The following ERBB4 variants were observed in gnomAD, a reference collection of about 807,000 sequenced individuals.
ERBB4 encodes the protein erb-b2 receptor tyrosine kinase 4, also known as receptor tyrosine-protein kinase erbB-4.
A neutral mutation model predicts 158.0 loss-of-function variants in ERBB4; 42 were observed. The observed-to-expected ratio is 0.27, with a 90% CI of 0.21 to 0.34. The LOEUF (loss-of-function observed/expected upper bound fraction) is 0.34. Ranked by LOEUF, ERBB4 falls within the 10% of genes least tolerant of loss-of-function variation. The pLI is 1.00. For synonymous variants in ERBB4, 583 were observed against 558.7 expected, an observed-to-expected ratio of 1.04 and a Z score of -0.61; for missense variants, 1,333 against 1,624.1, an observed-to-expected ratio of 0.82 and a Z score of 3.08.
chr2:212,176,961 C>A (rs188210460), intron 1 of ERBB4, among the ~76,000 whole-genome samples: 1 of 151,724 alleles, frequency 6.6e-6, no homozygotes, highest in Admixed American at 6.6e-5. Context: ...TAAAATAATT[C>A]TTTTTTCTTT....
At chr2:211,942,739 T>G (rs924640360) in intron 3 of ERBB4, among the ~76,000 whole-genome samples, 2 of 152,144 alleles carry the variant, frequency 1.3e-5, no homozygotes, top group Non-Finnish European at 2.9e-5. Flanking sequence ...TATGAATATG[T>G]TGGTCTGAAA....
intron 4 of ERBB4, chr2:211,777,929 T>A (rs2075926451): frequency 1.3e-5 from 2 of 152,230 alleles, no homozygotes; most frequent in African/African-American, 2.4e-5. Context: ...TTAATTTCTG[T>A]AACAGACCTA....
At chr2:211,770,346 A>T (rs563071496) in intron 4 of ERBB4, among the ~76,000 whole-genome samples, 1 of 152,360 alleles carries the variant, frequency 6.6e-6, no homozygotes, top group South Asian at 2.1e-4. Flanking sequence ...AGGTAACAAA[A>T]AAAGCATTCT....
At chr2:212,234,234 T>C (rs963011451) in intron 1 of ERBB4, among the ~76,000 whole-genome samples, 1 of 152,122 alleles carries the variant, frequency 6.6e-6, no homozygotes, top group African/African-American at 2.4e-5. Context: ...CATGCAGTGT[T>C]GGGTTTTCTG....
At chr2:211,666,467 G>A (rs2071632760) in intron 14 of ERBB4, among the ~76,000 whole-genome samples, 1 of 152,110 alleles carries the variant, frequency 6.6e-6, no homozygotes, top group Non-Finnish European at 1.5e-5. Context: ...TAAAAGTCAT[G>A]ACAATATTAA....
intron 1 of ERBB4, among the ~76,000 whole-genome samples, chr2:212,463,799 T>C (rs1015230676): frequency 1.3e-5 from 2 of 152,098 alleles, no homozygotes; most frequent in African/African-American, 4.8e-5. Context: ...TTGGCCCTGT[T>C]TCATATTGCA....
At chr2:212,269,722 T>A (rs1443698504) in intron 1 of ERBB4, among the ~76,000 whole-genome samples, 1 of 151,774 alleles carries the variant, frequency 6.6e-6, no homozygotes, top group Non-Finnish European at 1.5e-5. Context: ...CAAGTCTAGT[T>A]TCTTTCTACT....
chr2:211,977,030 T>C (rs533902901), intron 2 of ERBB4, among the ~76,000 whole-genome samples: 5 of 152,306 alleles, frequency 3.3e-5, no homozygotes, highest in African/African-American at 9.6e-5. Context: ...GATGGTATGA[T>C]TGTCAATACA....
At chr2:211,957,780 G>A (rs1223236295) in intron 2 of ERBB4, among the ~76,000 whole-genome samples, 1 of 152,012 alleles carries the variant, frequency 6.6e-6, no homozygotes, top group Non-Finnish European at 1.5e-5. Flanking sequence ...TATTTCTAAA[G>A]GAATAACTAC....
chr2:212,403,394 A>G (rs1165784107), intron 1 of ERBB4, among the ~76,000 whole-genome samples: 1 of 152,092 alleles, frequency 6.6e-6, no homozygotes, highest in Non-Finnish European at 1.5e-5. Context: ...TCACTGCTGC[A>G]TATCAATCCA....
chr2:212,198,733 C>CTTTTTTT (rs11448093), intron 1 of ERBB4, among the ~76,000 whole-genome samples: 1 of 96,428 alleles, frequency 1.0e-5, no homozygotes. Context: ...TCACCACGCC[C>CTTTTTTT]TTTTTTTTTT....
chr2:212,098,186 C>T (rs1238667394), intron 2 of ERBB4, among the ~76,000 whole-genome samples: 1 of 152,164 alleles, frequency 6.6e-6, no homozygotes, highest in Non-Finnish European at 1.5e-5. Context: ...CTCCCTTCTC[C>T]AAGGGCCCCT....
chr2:212,386,185 T>C (rs1464363875), intron 1 of ERBB4, among the ~76,000 whole-genome samples: 1 of 151,914 alleles, frequency 6.6e-6, no homozygotes, highest in African/African-American at 2.4e-5. Context: ...GTGTTTTTTA[T>C]CGACTCCCAA....
intron 1 of ERBB4, among the ~76,000 whole-genome samples, chr2:212,409,136 T>G (rs1273872554): frequency 6.6e-6 from 1 of 152,178 alleles, no homozygotes; most frequent in Non-Finnish European, 1.5e-5. Context: ...CATTTTCATG[T>G]GCTTGAAACA....
At chr2:211,405,025 TGA>T (rs1483980343) in intron 25 of ERBB4, among the ~76,000 whole-genome samples, 2 of 152,172 alleles carry the variant, frequency 1.3e-5, no homozygotes, top group African/African-American at 4.8e-5. Flanking sequence ...TAACAGTTAA[TGA>T]GTTGTTAGTT....
intron 13 of ERBB4, among the ~76,000 whole-genome samples, chr2:211,678,672 A>G (rs1194285442): frequency 6.6e-6 from 1 of 152,180 alleles, no homozygotes; most frequent in Non-Finnish European, 1.5e-5. Context: ...TATAATTTTA[A>G]AAATCAGAGC....
intron 2 of ERBB4, among the ~76,000 whole-genome samples, chr2:212,098,693 C>T (rs1423130810): frequency 5.9e-5 from 9 of 151,684 alleles, no homozygotes; most frequent in Non-Finnish European, 1.0e-4. Flanking sequence ...TTATATAATA[C>T]CGTTTTATAA....
intron 20 of ERBB4, among the ~76,000 whole-genome samples, chr2:211,482,655 C>A (rs2125551211): frequency 6.6e-6 from 1 of 152,220 alleles, no homozygotes; most frequent in African/African-American, 2.4e-5. Flanking sequence ...CCTGTAATCC[C>A]AGTATTTTGG....
At chr2:211,819,446 C>A (rs2076945527) in intron 3 of ERBB4, among the ~76,000 whole-genome samples, 1 of 151,936 alleles carries the variant, frequency 6.6e-6, no homozygotes, top group Non-Finnish European at 1.5e-5. Flanking sequence ...AAGCTTTAGT[C>A]TGAAACTTGT....
Sources: gnomAD v4.1 joint callset for allele counts (sites outside exome capture counted in the v4.1 genomes callset) on GRCh38, gnomAD v4.1.1 for gene constraint, MANE v1.5 for transcripts, NCBI Gene and HGNC (gene_info 2026-07-23, HGNC 2026-07-21) for gene names.